The following CAMTA1 variants were observed in gnomAD, a reference collection of about 807,000 sequenced individuals.
The protein encoded by CAMTA1 is calmodulin-binding transcription activator 1.
CAMTA1 carries 27 observed loss-of-function variants against 170.9 expected under a neutral mutation model. The ratio of observed to expected loss-of-function variants is 0.16; its 90% CI spans 0.12 to 0.22. The LOEUF is 0.22. CAMTA1 is among the 10% of genes least tolerant of loss of function. The pLI, the probability that CAMTA1 is intolerant of heterozygous loss-of-function variation, is 1.00. For synonymous variants in CAMTA1, 833 were observed against 891.5 expected (o/e 0.93, Z 1.17); for missense variants, 1,619 against 2,217.2 (o/e 0.73, Z 5.42).
At chr1:6,860,622 T>C (rs1664300965) in intron 3 of CAMTA1, among the ~76,000 whole-genome samples, 1 of 152,140 alleles carries the variant, frequency 6.6e-6, no homozygotes, top group Non-Finnish European at 1.5e-5. Flanking sequence ...CTTAAAGGTC[T>C]ATCAGGGCCG....
At chr1:7,480,196 CATGTGTGTGAGTGCATGTGTGT>C (rs1287825582) in intron 6 of CAMTA1, among the ~76,000 whole-genome samples, 1 of 81,164 alleles carries the variant, frequency 1.2e-5, no homozygotes, top group East Asian at 4.1e-4. Context: ...CATGTGTGTG[CATGTGTGTGAGTGCATGTGTGT>C]ACGTGTGTGT....
intron 6 of CAMTA1, among the ~76,000 whole-genome samples, chr1:7,490,634 G>C (rs537395615): frequency 4.1e-5 from 6 of 146,608 alleles, no homozygotes; most frequent in African/African-American, 1.3e-4. Flanking sequence ...CCTGGGTGAC[G>C]AGAGCGAAAC....
At chr1:7,626,635 A>C (rs2095635496) in intron 6 of CAMTA1, among the ~76,000 whole-genome samples, 2 of 152,172 alleles carry the variant, frequency 1.3e-5, no homozygotes. Context: ...AAGGTTCTGA[A>C]CATCAGGAAG....
chr1:7,105,939 CAAA>C (rs35981857), intron 4 of CAMTA1, among the ~76,000 whole-genome samples: 1 of 143,398 alleles, frequency 7.0e-6, no homozygotes. Flanking sequence ...GACCATGTCT[CAAA>C]AAAAAAAAAG....
In CAMTA1 at chr1:7,664,635, G is replaced by C. The variant is rs907204640; in HGVS notation, c.2088G>C (p.Gln696His). 2 of 1,607,460 alleles carry C rather than the reference G, an allele frequency of 1.2e-6. No individual in the cohort carries two copies. Among genetic ancestry groups the C allele is most frequent in the African/African-American group, 2.7e-5 (2 of 74,836 alleles). ...AEGEVTMETSQAAEGSEVLLK... is the reference protein window; with the variant it reads ...AEGEVTMETSHAAEGSEVLLK... Reference sequence around the variant, plus strand: ...GGGAGGTCACCATGGAGACCTCGCAGGCGGCGGAAGGGAGCGAGGTCCTGC... The same window carrying C: ...GGGAGGTCACCATGGAGACCTCGCACGCGGCGGAAGGGAGCGAGGTCCTGC... The change falls in exon 9 of 23, where the codon CAG (glutamine) becomes CAC (histidine). Residue 696 changes from glutamine (Q) to histidine (H), a missense_variant. By Grantham distance (24) the Gln-to-His change is conservative. Transcript: ENST00000303635.
intron 16 of CAMTA1, among the ~76,000 whole-genome samples, chr1:7,743,675 C>T (rs1199781789): frequency 1.3e-5 from 2 of 152,058 alleles, no homozygotes; most frequent in African/African-American, 2.4e-5. Context: ...CCATCGAGAA[C>T]ATTTTCAGTT....
intron 4 of CAMTA1, among the ~76,000 whole-genome samples, chr1:7,150,509 G>A (rs371489395): frequency 5.3e-5 from 8 of 152,094 alleles, no homozygotes; most frequent in East Asian, 1.9e-4. Context: ...ATAATTCTTC[G>A]TTGTTAGGGC....
At chr1:7,705,593 C>G (rs1166315397) in intron 11 of CAMTA1, among the ~76,000 whole-genome samples, 1 of 151,780 alleles carries the variant, frequency 6.6e-6, no homozygotes, top group Non-Finnish European at 1.5e-5. Context: ...GGGCGCTCGG[C>G]TTCTCCTCAA....
intron 11 of CAMTA1, among the ~76,000 whole-genome samples, chr1:7,713,221 G>C (rs183304795): frequency 1.3e-5 from 2 of 152,312 alleles, no homozygotes; most frequent in East Asian, 3.9e-4. Flanking sequence ...ACTGATCTCT[G>C]GTTGGCATGC....
chr1:7,696,365 T>C (rs1187659734), intron 11 of CAMTA1, among the ~76,000 whole-genome samples: 1 of 152,024 alleles, frequency 6.6e-6, no homozygotes, highest in African/African-American at 2.4e-5. Flanking sequence ...TGGCTACTTT[T>C]TTGTATTTTT....
At chr1:7,277,756 T>C (rs911903699) in intron 5 of CAMTA1, among the ~76,000 whole-genome samples, 2 of 138,302 alleles carry the variant, frequency 1.4e-5, no homozygotes, top group African/African-American at 5.3e-5. Flanking sequence ...GCTTTTCACA[T>C]ACACACACAT....
intron 3 of CAMTA1, among the ~76,000 whole-genome samples, chr1:6,884,863 T>C (rs1292946086): frequency 1.3e-5 from 2 of 152,232 alleles, no homozygotes; most frequent in African/African-American, 4.8e-5. Flanking sequence ...GGTTTATCAT[T>C]AACTGTGTTG....
At chr1:7,324,556 A>G (rs1165101746) in intron 5 of CAMTA1, among the ~76,000 whole-genome samples, 2 of 151,814 alleles carry the variant, frequency 1.3e-5, no homozygotes, top group African/African-American at 2.4e-5. Flanking sequence ...TTCTTTCGCC[A>G]TGTTTTCAAT....
chr1:7,487,586 C>G (rs2093634564), intron 6 of CAMTA1, among the ~76,000 whole-genome samples: 1 of 152,164 alleles, frequency 6.6e-6, no homozygotes, highest in African/African-American at 2.4e-5. Flanking sequence ...GCATCCCATT[C>G]AGATGCTGGA....
Position 7,455,208 on chromosome 1 carries a change from T to C in CAMTA1, c.439-12622T>C, listed in dbSNP as rs1460270513. Among the ~76,000 whole-genome samples, 4 of 152,318 alleles carry C rather than the reference T, an allele frequency of 2.6e-5. No homozygotes were observed. Among genetic ancestry groups the C allele is most frequent in the East Asian group, 1.9e-4 (1 of 5,168 alleles). On this transcript the variant is annotated intron_variant, in intron 5 of 22. Transcript: ENST00000303635. The surrounding 1 kb of genome is among the most constrained non-coding windows in gnomAD (Gnocchi z 5.0). ...CTGCCCATCCCTCCTGCTTCTCTAG[T>C]GCAGGAGCCGCGGCTCGGCATGGTT...
At chr1:6,875,790 T>C (rs972125724) in intron 3 of CAMTA1, among the ~76,000 whole-genome samples, 1 of 152,184 alleles carries the variant, frequency 6.6e-6, no homozygotes, top group Non-Finnish European at 1.5e-5. Flanking sequence ...TAAGAAACAC[T>C]TGCCCCATCC....
At chr1:7,538,506 C>T (rs1236244105) in intron 6 of CAMTA1, among the ~76,000 whole-genome samples, 1 of 152,164 alleles carries the variant, frequency 6.6e-6, no homozygotes, top group Admixed American at 6.5e-5. Flanking sequence ...ATAAAATTAA[C>T]CAGGTGTGAT....
chr1:7,461,215 A>G (rs918391123), intron 5 of CAMTA1, among the ~76,000 whole-genome samples: 1 of 152,202 alleles, frequency 6.6e-6, no homozygotes. Context: ...AGGCCTGCCC[A>G]GGTAGAACAA....
intron 3 of CAMTA1, among the ~76,000 whole-genome samples, chr1:6,935,529 C>A (rs1298614600): frequency 6.6e-6 from 1 of 152,158 alleles, no homozygotes; most frequent in African/African-American, 2.4e-5. Context: ...GAAGGCTGCT[C>A]TCTGAATAAA....
Sources: gnomAD v4.1 joint callset for allele counts (sites outside exome capture counted in the v4.1 genomes callset) on GRCh38, gnomAD v4.1.1 for gene constraint, Gnocchi (gnomAD v3.1) non-coding constraint, MANE v1.5 for transcripts, NCBI Gene and HGNC (gene_info 2026-07-23, HGNC 2026-07-21) for gene names.